MET: variants seen among roughly 807,000 people sequenced by gnomAD.
MET encodes MET proto-oncogene, receptor tyrosine kinase.
A neutral mutation model predicts 133.1 loss-of-function variants in MET; 48 were observed. The ratio of observed to expected loss-of-function variants is 0.36; its 90% CI spans 0.29 to 0.46. The LOEUF (loss-of-function observed/expected upper bound fraction) is 0.46. Among genes scored for constraint, MET ranks in the 20% least tolerant of loss-of-function variants. The probability of loss-of-function intolerance (pLI) is 1.00; values close to 1 mark genes in which losing one functional copy is unlikely to be tolerated. For synonymous variants in MET, 628 were observed against 616.5 expected, an observed-to-expected ratio of 1.02 and a Z score of -0.28; for missense variants, 1,442 against 1,695.9, an observed-to-expected ratio of 0.85 and a Z score of 2.63.
chr7:116,755,481 T>C lies in MET; in HGVS notation c.1828T>C (p.Cys610Arg). The C allele has an allele frequency of 1.2e-6, 2 of 1,614,176 alleles. No individual in the cohort carries two copies. The highest frequency in any genetic ancestry group is 1.7e-6 in the Non-Finnish European group (2 of 1,180,026). ...TAGAGTTCTCCTTGGAAATGAGAGCTGCACCTTGACTTTAAGTGAGAGCAC... is the reference window on the plus strand; with the variant it reads ...TAGAGTTCTCCTTGGAAATGAGAGCCGCACCTTGACTTTAAGTGAGAGCAC... ...KTRVLLGNES[C>R]TLTLSESTMN... Residue 610 changes from cysteine (C) to arginine (R), a missense_variant, in exon 6 of 21, where the codon TGC becomes CGC. By Grantham distance (180) the Cys-to-Arg change is radical. Transcript: ENST00000397752.
chr7:116,736,567 C>G (rs114767833), intron 3 of MET, among the ~76,000 whole-genome samples: 92 of 152,198 alleles, frequency 6.0e-4, no homozygotes, highest in African/African-American at 2.0e-3. Flanking sequence ...CACAAAGTTA[C>G]TTTGTTCAGG....
chr7:116,761,935 AT>A (rs1454345522), intron 10 of MET, among the ~76,000 whole-genome samples: 3 of 152,116 alleles, frequency 2.0e-5, no homozygotes, highest in Non-Finnish European at 4.4e-5. Flanking sequence ...GGCATAAGTA[AT>A]TGTTTTATCT....
At chr7:116,725,829 T>C (rs1480447352) in intron 2 of MET, among the ~76,000 whole-genome samples, 2 of 150,512 alleles carry the variant, frequency 1.3e-5, no homozygotes, top group African/African-American at 4.9e-5. Context: ...AATATATCTA[T>C]AGATGTACTA....
chr7:116,719,999 T>G (rs1004173170), intron 2 of MET, among the ~76,000 whole-genome samples: 18 of 151,310 alleles, frequency 1.2e-4, no homozygotes, highest in Non-Finnish European at 1.3e-4. Flanking sequence ...ATATGAACTT[T>G]AAAGTAGTTT....
Position 116,672,955 on chromosome 7 carries a change from T to C in MET, c.-15+378T>C, listed in dbSNP as rs1796027033. On this transcript the variant is annotated intron_variant, in intron 1 of 20. Coordinates refer to ENST00000397752, the MANE Select transcript of MET (RefSeq NM_000245.4). ...GCTGGCAAGGTTTGAGCCGAGCTGT[T>C]TCCTTGTTCCCAGCCTTGCTTTATC... Among the ~76,000 whole-genome samples the C allele has an allele frequency of 2.0e-5, 3 of 152,208 alleles. No homozygotes were observed. In the South Asian group the frequency reaches 6.3e-4, roughly 32 times the overall value.
chr7:116,718,383 A>G (rs1175540600), intron 2 of MET, among the ~76,000 whole-genome samples: 3 of 152,072 alleles, frequency 2.0e-5, no homozygotes, highest in African/African-American at 7.2e-5. Context: ...GCTAGACTCC[A>G]TCTCAAAATA....
At chr7:116,788,728 G>A (rs778484201) in intron 19 of MET, among the ~76,000 whole-genome samples, 1 of 152,208 alleles carries the variant, frequency 6.6e-6, no homozygotes, top group Non-Finnish European at 1.5e-5. Context: ...CCAGGACAGC[G>A]CAATCTTGAA....
At chr7:116,676,469 A>G (rs561745397) in intron 1 of MET, among the ~76,000 whole-genome samples, 1 of 152,360 alleles carries the variant, frequency 6.6e-6, no homozygotes, top group East Asian at 1.9e-4. Flanking sequence ...CACAGAGTAT[A>G]AAACAGATGA....
chr7:116,733,787 A>G (rs568409295), intron 3 of MET, among the ~76,000 whole-genome samples: 88 of 152,316 alleles, frequency 5.8e-4, no homozygotes, highest in African/African-American at 2.0e-3. Flanking sequence ...GCTTTACTAT[A>G]CAAACGAATG....
rs142828636 is a variant in MET at position 116,681,367 on chromosome 7, C to A, written c.-15+8790C>A. 9.4e-4 allele frequency among the ~76,000 whole-genome samples: 143 copies of A among 152,114 alleles called. 1 individual carries two copies. Among genetic ancestry groups the A allele is most frequent in the African/African-American group, 3.2e-3 (134 of 41,532 alleles). ...CATTTTCATGACTGAAATATTCTAG[C>A]ATATCTAGCTCATTATAATCTATAA... is the stretch of plus-strand genomic sequence containing the variant. On this transcript the variant is annotated intron_variant, in intron 1 of 20. Coordinates refer to ENST00000397752, the MANE Select transcript of MET (RefSeq NM_000245.4).
At position 116,677,038 on chromosome 7, in the gene MET, C is replaced by T. The variant is rs112024074; in HGVS notation, c.-15+4461C>T. On this transcript the variant is annotated intron_variant, in intron 1 of 20. Coordinates refer to ENST00000397752, the MANE Select transcript of MET (RefSeq NM_000245.4). ...GTTTTGTTTTGTTTTGTTTTGCATC[C>T]GCCTGGTCCCATCCCATACTCCATC... Among the ~76,000 whole-genome samples, 1,222 of 150,870 alleles carry T rather than the reference C, an allele frequency of 8.1e-3. 19 individuals are homozygous for T. The highest frequency in any genetic ancestry group is 0.028 in the African/African-American group (1,160 of 40,996).
chr7:116,734,957 T>C (rs985714336), intron 3 of MET, among the ~76,000 whole-genome samples: 1 of 152,156 alleles, frequency 6.6e-6, no homozygotes, highest in Admixed American at 6.5e-5. Context: ...ACAGCACTTG[T>C]ATAAGGCTTT....
Position 116,757,561 on chromosome 7 carries a change from C to T in MET, c.1965+22C>T, listed in dbSNP as rs1244156923. Reference sequence around the variant, plus strand: ...TGTGGTAAGGAAGATTCTATCCTATCATGTTTGATTTTTACTTAATCTATT... The same window carrying T: ...TGTGGTAAGGAAGATTCTATCCTATTATGTTTGATTTTTACTTAATCTATT... On this transcript the variant is annotated intron_variant, in intron 7 of 20. Coordinates refer to ENST00000397752, the MANE Select transcript of MET (RefSeq NM_000245.4). 3 of 1,612,460 alleles carry T rather than the reference C, an allele frequency of 1.9e-6. No homozygotes were observed. The African/African-American group carries it at 4.0e-5, about 22-fold the overall frequency.
rs559171383 is a variant in MET, at chr7:116,688,452, C to G, written c.-14-10619C>G. Among the ~76,000 whole-genome samples, 5 of 152,288 alleles carry G rather than the reference C, an allele frequency of 3.3e-5. No homozygotes were observed. The East Asian group carries it at 9.7e-4, about 29-fold the overall frequency. On this transcript the variant is annotated intron_variant, in intron 1 of 20. Coordinates refer to ENST00000397752, the MANE Select transcript of MET (RefSeq NM_000245.4). ...CTTTCTTTACATTGGGGAAGTTCAA[C>G]CTTCACACTTTCAAGGGCAATGAAA... is the stretch of plus-strand genomic sequence containing the variant.
At position 116,779,522 on chromosome 7, in the gene MET, G is replaced by A. The variant is rs144939114; in HGVS notation, c.3522+565G>A. ...CCCTAATCTGTTTAAAATTGCAACT[G>A]ACCACCCACCCTCATGGCTTCAGAC... On this transcript the variant is annotated intron_variant, in intron 17 of 20. Coordinates refer to ENST00000397752, the MANE Select transcript of MET (RefSeq NM_000245.4). Among the ~76,000 whole-genome samples the A allele has an allele frequency of 4.6e-3, 707 of 152,046 alleles. 1 individual carries two copies. The highest frequency in any genetic ancestry group is 6.7e-3 in the Non-Finnish European group (453 of 67,982).
At chr7:116,754,959 AAG>A (rs1794098078) in intron 5 of MET, among the ~76,000 whole-genome samples, 1 of 130,342 alleles carries the variant, frequency 7.7e-6, no homozygotes, top group South Asian at 2.5e-4. Context: ...AAGAGAAAGA[AAG>A]AGAAGGAAGG....
At chr7:116,736,139 GA>G (rs1292186674) in intron 3 of MET, among the ~76,000 whole-genome samples, 1 of 152,058 alleles carries the variant, frequency 6.6e-6, no homozygotes, top group African/African-American at 2.4e-5. Flanking sequence ...TTTTGTGTAA[GA>G]AAGAACTTTT....
At chr7:116,764,058 C>A (rs1219227607) in intron 11 of MET, among the ~76,000 whole-genome samples, 3 of 152,060 alleles carry the variant, frequency 2.0e-5, no homozygotes, top group African/African-American at 7.2e-5. Context: ...GATCTGAATG[C>A]AAATATGAAC....
chr7:116,677,137 A>C (rs1796191032), intron 1 of MET, among the ~76,000 whole-genome samples: 1 of 151,706 alleles, frequency 6.6e-6, no homozygotes. Flanking sequence ...TCACAGTGGG[A>C]TTTGTTGAGA....
Sources: allele counts gnomAD v4.1 joint callset (sites outside exome capture counted in the v4.1 genomes callset), GRCh38; gene constraint gnomAD v4.1.1; transcripts MANE v1.5; gene names NCBI Gene and HGNC (gene_info 2026-07-23, HGNC 2026-07-21).